ATP8B2: variants seen among roughly 807,000 people sequenced by gnomAD.
The protein encoded by ATP8B2 is phospholipid-transporting ATPase ID.
In ATP8B2, 70 loss-of-function variants were observed where a neutral mutation model predicts 133.4. That is an observed-to-expected ratio of 0.52 (90% CI 0.43 to 0.64). The LOEUF (loss-of-function observed/expected upper bound fraction) is 0.64, where lower values mean the gene tolerates loss of function less well. Among genes scored for constraint, ATP8B2 ranks in the 30% least tolerant of loss-of-function variants. The probability of loss-of-function intolerance (pLI) is 0.00; values close to 1 mark genes in which losing one functional copy is unlikely to be tolerated. For synonymous variants in ATP8B2, 517 were observed against 589.5 expected (o/e 0.88, Z 1.78); for missense variants, 1,101 against 1,535.7 (o/e 0.72, Z 4.73).
At chr1:154,330,212 T>A (rs1320510226) in intron 2 of ATP8B2, among the ~76,000 whole-genome samples, 184 bp from the exon 3 acceptor site, 4 of 152,106 alleles carry the variant, frequency 2.6e-5, no homozygotes, top group Non-Finnish European at 5.9e-5. Flanking sequence ...GAATGTAACC[T>A]GGAGAGCCGT....
chr1:154,330,564 G>C, intron 3 of ATP8B2, 110 bp downstream of exon 3: 1 of 1,182,240 alleles, frequency 8.5e-7, no homozygotes, highest in Non-Finnish European at 1.2e-6. Flanking sequence ...CTTGGGGGAG[G>C]GGAAGCAACC....
At chr1:154,347,138 C>T (rs188326930) in intron 26 of ATP8B2, among the ~76,000 whole-genome samples, 57 of 152,210 alleles carry the variant, frequency 3.7e-4, no homozygotes, top group Non-Finnish European at 7.3e-4. Context: ...GATCCACTCA[C>T]CTCGGCCTCC....
intron 15 of ATP8B2, 25 bp downstream of exon 15, chr1:154,342,986 T>C (rs1341556562): frequency 6.2e-7 from 1 of 1,610,664 alleles, no homozygotes; most frequent in Non-Finnish European, 8.5e-7. Context: ...CGGCTCGCAC[T>C]CTCCTGACCT....
In ATP8B2 at chr1:154,350,980, C is replaced by G. The variant is rs1013672726; in HGVS notation, c.*1862C>G. 28 of 152,532 alleles carry G rather than the reference C, an allele frequency of 1.8e-4. No homozygotes were observed. The highest frequency in any genetic ancestry group is 6.7e-4 in the African/African-American group (28 of 41,520). The allele number at this position is 152,532 out of a possible 1,614,324, so 9.4% of individuals were successfully genotyped here. A position where few individuals can be genotyped will look rare whatever the true frequency, so the allele number is the denominator to read the frequency against. Reference sequence around the variant, plus strand: ...AGAGGGGAAGTCTTGGCAGGGAAATCCCTTTTGGCCACACAGTTTACAAAC... The same window carrying G: ...AGAGGGGAAGTCTTGGCAGGGAAATGCCTTTTGGCCACACAGTTTACAAAC... On this transcript the variant is annotated 3_prime_UTR_variant, in exon 28 of 28. Coordinates refer to ENST00000368489, the MANE Select transcript of ATP8B2 (RefSeq NM_001370597.1).
chr1:154,333,643 CTTT>C (rs60216416), intron 9 of ATP8B2, among the ~76,000 whole-genome samples: 41,933 of 139,414 alleles, frequency 0.3, 6,427 homozygotes, highest in Middle Eastern at 0.39. Flanking sequence ...CATGCTGCAG[CTTT>C]TTTTTTTTTT....
At chr1:154,347,170 G>T (rs1299649787) in intron 26 of ATP8B2, among the ~76,000 whole-genome samples, 1 of 152,300 alleles carries the variant, frequency 6.6e-6, no homozygotes. Context: ...GATTACAGGT[G>T]TGAGCCACCG....
Position 154,340,916 on chromosome 1 carries a change from T to C in ATP8B2, c.1097T>C (p.Met366Thr). The C allele has an allele frequency of 1.2e-6, 2 of 1,614,186 alleles. No homozygotes were observed. The highest frequency in any genetic ancestry group is 1.7e-6 in the Non-Finnish European group (2 of 1,180,032). ...FINWDKKMFC[M>T]KKRTPAEART... ...AACTGGGATAAGAAGATGTTCTGCA[T>C]GAAGAAGCGGACGCCTGCAGAAGCC... The change falls in exon 13 of 28, where the codon ATG becomes ACG. Residue 366 changes from methionine (M) to threonine (T), a missense_variant. Physicochemically the swap from Met to Thr is moderately conservative, Grantham distance 81. Coordinates refer to ENST00000368489, the MANE Select transcript of ATP8B2 (RefSeq NM_001370597.1). The surrounding 1 kb of genome is among the most constrained non-coding windows in gnomAD (Gnocchi z 4.0).
chr1:154,325,743 G>C (rs1404760327), intron 1 of ATP8B2, 41 bp downstream of exon 1: 1 of 153,194 alleles, frequency 6.5e-6, no homozygotes, highest in East Asian at 1.9e-4. Flanking sequence ...CCGGGAGCGC[G>C]GGGCCAGGAG....
intron 12 of ATP8B2, among the ~76,000 whole-genome samples, chr1:154,338,116 T>C (rs1331266201): frequency 1.3e-5 from 2 of 152,056 alleles, no homozygotes; most frequent in African/African-American, 4.8e-5. Flanking sequence ...CCTAAGCAGG[T>C]AGGCAGAGAG....
intron 27 of ATP8B2, 104 bp downstream of exon 27, chr1:154,348,642 G>A: frequency 1.3e-6 from 2 of 1,508,548 alleles, no homozygotes; most frequent in Non-Finnish European, 1.8e-6. Flanking sequence ...TGTTCAGTGT[G>A]TTGGTGCTTA....
In ATP8B2 at chr1:154,328,025, G is replaced by T. The variant is rs985034332; in HGVS notation, c.-37-80G>T. 8.5e-6 allele frequency: 13 copies of T among 1,527,854 alleles called. No individual in the cohort carries two copies. In the African/African-American group the frequency reaches 1.4e-4, roughly 16 times the overall value. 94.6% of individuals were successfully genotyped at this position (1,527,854 alleles called of 1,614,324 possible). ...GGGCAGGGTCAGAGCTGGAGAAGAG[G>T]GTCTTCAAAAGAGGTCTCATGAGGG... On this transcript the variant is annotated intron_variant, in intron 1 of 27. Transcript: ENST00000368489. The surrounding 1 kb of genome is among the most constrained non-coding windows in gnomAD (Gnocchi z 4.6).
Position 154,345,135 on chromosome 1 carries a change from T to C in ATP8B2, c.2451T>C (p.Asn817=). 1.9e-6 allele frequency: 3 copies of C among 1,613,934 alleles called. No individual in the cohort carries two copies. The highest frequency in any genetic ancestry group is 2.2e-5 in the East Asian group (1 of 44,890). ...CGCTTGCCATTGGAGACGGAGCCAATGATGTCAGCATGATCAAAAGTGAGT... is the reference window on the plus strand; with the variant it reads ...CGCTTGCCATTGGAGACGGAGCCAACGATGTCAGCATGATCAAAAGTGAGT... ...AVTLAIGDGA[N]DVSMIKTAHI... is the part of the protein sequence containing the mutation. The change falls in exon 22 of 28, where the codon AAT becomes AAC. Residue 817 remains asparagine, a synonymous_variant. Coordinates refer to ENST00000368489, the MANE Select transcript of ATP8B2 (RefSeq NM_001370597.1). This position sits in a 1 kb window ranked among gnomAD's most constrained non-coding sequence, Gnocchi z 5.6.
chr1:154,326,134 T>C (rs1685781624), intron 1 of ATP8B2, among the ~76,000 whole-genome samples: 2 of 152,072 alleles, frequency 1.3e-5, no homozygotes, highest in Admixed American at 1.3e-4. Flanking sequence ...TGGAGGTCTA[T>C]GCCTGAGGAA....
chr1:154,328,730 G>A lies in ATP8B2; in HGVS notation c.31+558G>A. 1.1e-6 allele frequency: 1 copy of A among 929,948 alleles called. No individual in the cohort carries two copies. Among genetic ancestry groups the A allele is most frequent in the Non-Finnish European group, 1.3e-6 (1 of 777,896 alleles). 57.6% of individuals were successfully genotyped at this position (929,948 alleles called of 1,614,324 possible). ...GCGGAACCCTGGGCGTGCTCGGCGT[G>A]TCCGGGGCCACTCAGCGCACGCTGG... On this transcript the variant is annotated intron_variant, in intron 2 of 27. Transcript: ENST00000368489. This position sits in a 1 kb window ranked among gnomAD's most constrained non-coding sequence, Gnocchi z 4.6.
chr1:154,336,971 T>C (rs1285706783), intron 11 of ATP8B2, among the ~76,000 whole-genome samples: 1 of 149,134 alleles, frequency 6.7e-6, no homozygotes, highest in East Asian at 2.0e-4. Flanking sequence ...ATTTTTTTAA[T>C]GTTTTTAGTA....
At position 154,334,874 on chromosome 1, in the gene ATP8B2, C is replaced by T. The variant is rs1686121774; in HGVS notation, c.837+283C>T. Among the ~76,000 whole-genome samples, 1 of 152,090 alleles carries T rather than the reference C, an allele frequency of 6.6e-6. No individual in the cohort carries two copies. The highest frequency in any genetic ancestry group is 2.4e-5 in the African/African-American group (1 of 41,410). ...ATGACTTTGTGAAGCATGTGACCTT[C>T]TGTTTGCTTTTGCCAGGGACAAGGA... On this transcript the variant is annotated intron_variant, in intron 11 of 27. Coordinates refer to ENST00000368489, the MANE Select transcript of ATP8B2 (RefSeq NM_001370597.1). This position sits in a 1 kb window ranked among gnomAD's most constrained non-coding sequence, Gnocchi z 4.6.
At chr1:154,335,640 A>G (rs1686152535) in intron 11 of ATP8B2, among the ~76,000 whole-genome samples, 1 of 152,038 alleles carries the variant, frequency 6.6e-6, no homozygotes, top group African/African-American at 2.4e-5. Flanking sequence ...GCGTTGAGCT[A>G]GGATCATGCC....
chr1:154,329,338 GT>G (rs1267600928), intron 2 of ATP8B2, among the ~76,000 whole-genome samples: 3 of 152,198 alleles, frequency 2.0e-5, no homozygotes, highest in Non-Finnish European at 4.4e-5. Context: ...TGTGGCCTGG[GT>G]TTTGTTACTG....
chr1:154,329,101 T>A (rs1685894736), intron 2 of ATP8B2: 1 of 1,255,328 alleles, frequency 8.0e-7, no homozygotes, highest in Admixed American at 2.8e-5. Context: ...GCCTGGCAGC[T>A]CTCCCGCACC....
Sources: gnomAD v4.1 joint callset for allele counts (sites outside exome capture counted in the v4.1 genomes callset) on GRCh38, gnomAD v4.1.1 for gene constraint, Gnocchi (gnomAD v3.1) non-coding constraint, MANE v1.5 for transcripts, NCBI Gene and HGNC (gene_info 2026-07-23, HGNC 2026-07-21) for gene names.